BUB1B: variants seen among roughly 807,000 people sequenced by gnomAD.
BUB1B encodes the protein mitotic checkpoint serine/threonine-protein kinase BUB1 beta.
BUB1B carries 86 observed loss-of-function variants against 137.7 expected under a neutral mutation model. The observed-to-expected ratio is 0.62, with a 90% CI of 0.52 to 0.75. BUB1B has a LOEUF of 0.75. BUB1B is among the 30% of genes least tolerant of loss of function. The pLI is 0.00. For synonymous variants in BUB1B, 420 were observed against 417.9 expected (o/e 1.00, Z -0.06); for missense variants, 1,130 against 1,236.9 (o/e 0.91, Z 1.30).
intron 2 of BUB1B, among the ~76,000 whole-genome samples, chr15:40,167,299 C>G (rs1291750143): frequency 7.0e-6 from 1 of 142,314 alleles, no homozygotes; most frequent in Non-Finnish European, 1.5e-5. Context: ...CCCAAAGTGA[C>G]AAAGTTACTC....
chr15:40,212,235 A>T (rs1440211141), intron 18 of BUB1B, among the ~76,000 whole-genome samples: 1 of 152,234 alleles, frequency 6.6e-6, no homozygotes, highest in Admixed American at 6.5e-5. Context: ...GTATAGGAAA[A>T]TAGCCTTGTA....
intron 16 of BUB1B, 143 bp from the exon 17 acceptor site, chr15:40,209,492 A>G: frequency 1.0e-6 from 1 of 958,882 alleles, no homozygotes; most frequent in Admixed American, 1.9e-5. Flanking sequence ...TTTCATAAAC[A>G]CCTGAGACAG....
chr15:40,181,554 C>G (rs2037294051), intron 5 of BUB1B, among the ~76,000 whole-genome samples: 1 of 152,158 alleles, frequency 6.6e-6, no homozygotes, highest in Non-Finnish European at 1.5e-5. Flanking sequence ...TTCAGTTGCA[C>G]AAATTTTAGA....
At chr15:40,204,570 G>C (rs192628514) in intron 14 of BUB1B, among the ~76,000 whole-genome samples, 109 of 151,310 alleles carry the variant, frequency 7.2e-4, no homozygotes, top group African/African-American at 2.5e-3. Flanking sequence ...TGCATAAAAT[G>C]TATAGATTAT....
Position 40,206,166 on chromosome 15 carries a change from A to C in BUB1B, c.1735-18A>C. On this transcript the variant is annotated intron_variant, in intron 14 of 22. Coordinates refer to ENST00000287598, the MANE Select transcript of BUB1B (RefSeq NM_001211.6). ...TATTGAAATATTTTAGCTAAACTTT[A>C]TATGGTCTTTATTTCAGGATGAATT... is the stretch of plus-strand genomic sequence containing the variant. 6.2e-7 allele frequency: 1 copy of C among 1,613,712 alleles called. No homozygotes were observed. The highest frequency in any genetic ancestry group is 8.5e-7 in the Non-Finnish European group (1 of 1,179,838).
intron 4 of BUB1B, 38 bp from the exon 5 acceptor site, chr15:40,176,439 G>A (rs1308992473): frequency 6.3e-7 from 1 of 1,583,326 alleles, no homozygotes; most frequent in South Asian, 1.1e-5. Context: ...TTCAATACGT[G>A]AGTAGAAATT....
chr15:40,173,269 G>A (rs2037185499), intron 4 of BUB1B, among the ~76,000 whole-genome samples: 2 of 139,790 alleles, frequency 1.4e-5, no homozygotes, highest in East Asian at 4.1e-4. Flanking sequence ...GGGCGACAGA[G>A]CGAGACTCAG....
At position 40,171,736 on chromosome 15, in the gene BUB1B, C is replaced by A. The variant is rs73389518; in HGVS notation, c.384+1055C>A. ...AGTGATATTTTAGTTTTTTATTGGTCTTTGGACTTTTTTCACCTAGTATAT... is the reference window on the plus strand; with the variant it reads ...AGTGATATTTTAGTTTTTTATTGGTATTTGGACTTTTTTCACCTAGTATAT... On this transcript the variant is annotated intron_variant, in intron 4 of 22. Transcript: ENST00000287598. Among the ~76,000 whole-genome samples the A allele has an allele frequency of 8.3e-3, 1,258 of 152,174 alleles. 12 individuals are homozygous for A. The highest frequency in any genetic ancestry group is 0.028 in the African/African-American group (1,173 of 41,532).
intron 5 of BUB1B, among the ~76,000 whole-genome samples, chr15:40,182,311 C>G (rs2037304582): frequency 6.6e-6 from 1 of 152,144 alleles, no homozygotes; most frequent in Non-Finnish European, 1.5e-5. Context: ...TTTTCTAGTT[C>G]TTTGTGTGTC....
intron 16 of BUB1B, among the ~76,000 whole-genome samples, chr15:40,209,191 G>A (rs1433088108): frequency 1.3e-5 from 2 of 152,162 alleles, no homozygotes; most frequent in Non-Finnish European, 2.9e-5. Context: ...AGGCCGAGGC[G>A]GGTGGATCAC....
At chr15:40,167,231 A>C in intron 2 of BUB1B, among the ~76,000 whole-genome samples, 1 of 146,248 alleles carries the variant, frequency 6.8e-6, no homozygotes, top group Non-Finnish European at 1.5e-5. Flanking sequence ...TCAATTAATT[A>C]GTATTTTTCT....
chr15:40,181,422 C>G (rs774084486), intron 5 of BUB1B, among the ~76,000 whole-genome samples: 45 of 152,254 alleles, frequency 3.0e-4, no homozygotes, highest in Non-Finnish European at 4.4e-4. Context: ...TTAATCTGGG[C>G]TTCACTGGGC....
intron 8 of BUB1B, among the ~76,000 whole-genome samples, chr15:40,185,860 CTATT>C (rs752034216): frequency 1.3e-4 from 20 of 151,564 alleles, no homozygotes; most frequent in Non-Finnish European, 2.1e-4. Flanking sequence ...GACCCTGTCT[CTATT>C]TATTAAAAAA....
intron 18 of BUB1B, among the ~76,000 whole-genome samples, chr15:40,210,568 A>G (rs1437221945): frequency 6.6e-6 from 1 of 152,132 alleles, no homozygotes; most frequent in Admixed American, 6.6e-5. Flanking sequence ...GGAGTACAGT[A>G]GCATGATCAC....
intron 12 of BUB1B, among the ~76,000 whole-genome samples, chr15:40,202,032 T>TAGGTAGGTA (rs2037577804): frequency 1.3e-5 from 2 of 152,200 alleles, no homozygotes; most frequent in Non-Finnish European, 2.9e-5. Context: ...TATATATATA[T>TAGGTAGGTA]TCATAAATTG....
At chr15:40,177,600 G>A (rs2037237521) in intron 5 of BUB1B, among the ~76,000 whole-genome samples, 1 of 151,954 alleles carries the variant, frequency 6.6e-6, no homozygotes, top group Non-Finnish European at 1.5e-5. Flanking sequence ...ATCCATTAGT[G>A]TTTACCATGC....
At chr15:40,176,412 T>G in intron 4 of BUB1B, 65 bp from the exon 5 acceptor site, 2 of 1,394,740 alleles carry the variant, frequency 1.4e-6, no homozygotes, top group African/African-American at 1.4e-5. Flanking sequence ...CAGTGATTGT[T>G]TGGCAACTAA....
chr15:40,171,683 T>G (rs2037164530), intron 4 of BUB1B, among the ~76,000 whole-genome samples: 1 of 152,200 alleles, frequency 6.6e-6, no homozygotes, highest in African/African-American at 2.4e-5. Flanking sequence ...TCCCTTTCAC[T>G]CCTTTATGAA....
intron 9 of BUB1B, among the ~76,000 whole-genome samples, chr15:40,198,483 G>A (rs116371736): frequency 2.1e-3 from 323 of 152,218 alleles, no homozygotes; most frequent in African/African-American, 7.5e-3. Flanking sequence ...TTCAATAAAT[G>A]TGGTTTCTAG....
Sources: gnomAD v4.1 joint callset for allele counts (sites outside exome capture counted in the v4.1 genomes callset) on GRCh38, gnomAD v4.1.1 for gene constraint, MANE v1.5 for transcripts, NCBI Gene and HGNC (gene_info 2026-07-23, HGNC 2026-07-21) for gene names.